The following NCKAP5 variants were observed in gnomAD, a reference collection of about 807,000 sequenced individuals.
NCKAP5 encodes nck-associated protein 5.
Under a neutral mutation model 167.0 loss-of-function variants are expected in NCKAP5, and 92 were observed. That is an observed-to-expected ratio of 0.55 (90% CI 0.47 to 0.66). NCKAP5 has a LOEUF of 0.66. Ranked by LOEUF, NCKAP5 falls within the 30% of genes least tolerant of loss-of-function variation. NCKAP5 has a pLI of 0.00. For synonymous variants in NCKAP5, 891 were observed against 877.4 expected (o/e 1.02, Z -0.27); for missense variants, 2,378 against 2,315.0 (o/e 1.03, Z -0.56).
intron 3 of NCKAP5, among the ~76,000 whole-genome samples, chr2:133,398,996 G>C (rs914612205): frequency 2.0e-5 from 3 of 152,106 alleles, no homozygotes; most frequent in Non-Finnish European, 4.4e-5. Flanking sequence ...CAATGGAGAT[G>C]AAAAAAGAAA....
At chr2:133,543,528 A>T (rs116625374) in intron 2 of NCKAP5, among the ~76,000 whole-genome samples, 99 of 152,342 alleles carry the variant, frequency 6.5e-4, no homozygotes, top group African/African-American at 2.3e-3. Flanking sequence ...CTTCACATCC[A>T]ATAGTATTAT....
intron 5 of NCKAP5, among the ~76,000 whole-genome samples, chr2:133,130,549 A>T (rs2082564293): frequency 6.6e-6 from 1 of 152,220 alleles, no homozygotes; most frequent in Non-Finnish European, 1.5e-5. Flanking sequence ...GAAGGACCAA[A>T]AATTTCAAGT....
chr2:133,625,744 A>G, the NCKAP5 span, among the ~76,000 whole-genome samples: 20,804 of 151,342 alleles, frequency 0.14, 2,032 homozygotes, highest in African/African-American at 0.27. Context: ...AGTGGCGGGC[A>G]CCTGTAGTCC....
At chr2:133,014,655 T>C (rs1375320094) in intron 6 of NCKAP5, among the ~76,000 whole-genome samples, 2 of 152,226 alleles carry the variant, frequency 1.3e-5, no homozygotes, top group Non-Finnish European at 2.9e-5. Context: ...AACTAAAACT[T>C]AACCTTACTG....
At chr2:132,763,344 C>T (rs1354170558) in intron 16 of NCKAP5, among the ~76,000 whole-genome samples, 1 of 152,164 alleles carries the variant, frequency 6.6e-6, no homozygotes, top group Non-Finnish European at 1.5e-5. Context: ...TCTTTGCAGA[C>T]TCCCCTACCC....
intron 6 of NCKAP5, among the ~76,000 whole-genome samples, chr2:133,013,052 T>A (rs1559049980): frequency 6.6e-6 from 1 of 152,202 alleles, no homozygotes; most frequent in Non-Finnish European, 1.5e-5. Context: ...TTCAGGAGTA[T>A]AAAGCCTGGG....
chr2:133,652,317 A>G, the NCKAP5 span, among the ~76,000 whole-genome samples: 3 of 152,238 alleles, frequency 2.0e-5, no homozygotes, highest in Admixed American at 1.3e-4. Context: ...AAGAGGGTGT[A>G]GTGTGTTGAG....
intron 18 of NCKAP5, among the ~76,000 whole-genome samples, chr2:132,726,220 G>A (rs1370725389): frequency 6.6e-6 from 1 of 152,178 alleles, no homozygotes; most frequent in Non-Finnish European, 1.5e-5. Context: ...AAGAATAAAT[G>A]TTTGCCTAAT....
chr2:133,130,052 C>A lies in NCKAP5; in HGVS notation c.267G>T (p.Lys89Asn), dbSNP rs527712793. ...EERHLRLQSEKRLQEVTLESE... is the reference protein window; with the variant it reads ...EERHLRLQSENRLQEVTLESE... ...ACTCTAGGGTCACCTCCTGCAACCG[C>A]TTCTCGCTTTGAAGACGTAAGTGTC... Residue 89 changes from lysine (K) to asparagine (N), a missense_variant, in exon 6 of 20, where the codon AAG becomes AAT. Physicochemically the swap from Lys to Asn is moderately conservative, Grantham distance 94. This residue lies in a region of NCKAP5 where 1,049 missense variants were observed against 1,023.4 expected (regional missense o/e 1.02). Coordinates refer to ENST00000409261, the MANE Select transcript of NCKAP5 (RefSeq NM_207363.3). 6.2e-7 allele frequency: 1 copy of A among 1,612,024 alleles called. No homozygotes were observed. Among genetic ancestry groups the A allele is most frequent in the East Asian group, 2.2e-5 (1 of 44,806 alleles).
intron 6 of NCKAP5, among the ~76,000 whole-genome samples, chr2:133,032,549 A>T (rs1242387541): frequency 2.6e-5 from 4 of 152,142 alleles, no homozygotes; most frequent in Non-Finnish European, 5.9e-5. Context: ...ACCACCCTGC[A>T]GGGAAAAACA....
chr2:132,978,915 C>A (rs1459395113), intron 7 of NCKAP5, among the ~76,000 whole-genome samples: 1 of 152,190 alleles, frequency 6.6e-6, no homozygotes, highest in African/African-American at 2.4e-5. Flanking sequence ...ACTTAGCAGT[C>A]CTGTGTGTCA....
intron 5 of NCKAP5, among the ~76,000 whole-genome samples, chr2:133,162,391 T>A (rs774335164): frequency 2.0e-5 from 3 of 152,238 alleles, no homozygotes; most frequent in African/African-American, 7.2e-5. Context: ...ACAAGAGTTG[T>A]AGCATCTTAA....
At chr2:133,512,421 C>A (rs558494754) in intron 3 of NCKAP5, among the ~76,000 whole-genome samples, 1 of 152,130 alleles carries the variant, frequency 6.6e-6, no homozygotes, top group Non-Finnish European at 1.5e-5. Flanking sequence ...CTAATGCATG[C>A]GGATAGCCAT....
At chr2:133,053,285 C>T (rs1411878538) in intron 6 of NCKAP5, among the ~76,000 whole-genome samples, 2 of 152,174 alleles carry the variant, frequency 1.3e-5, no homozygotes. Context: ...AAGAAAGATG[C>T]TGTCTCCTGG....
At chr2:133,209,640 G>C (rs1457605860) in intron 5 of NCKAP5, among the ~76,000 whole-genome samples, 1 of 151,766 alleles carries the variant, frequency 6.6e-6, no homozygotes, top group Non-Finnish European at 1.5e-5. Context: ...AAAATGCAGT[G>C]TGGTACCCTG....
At chr2:133,263,062 A>G (rs528781615) in intron 4 of NCKAP5, among the ~76,000 whole-genome samples, 28 of 152,332 alleles carry the variant, frequency 1.8e-4, no homozygotes, top group Admixed American at 5.9e-4. Context: ...ACCTGAAGCT[A>G]CTAAAGTCCC....
intron 11 of NCKAP5, among the ~76,000 whole-genome samples, chr2:132,832,575 T>C (rs1007410029): frequency 6.6e-6 from 1 of 152,264 alleles, no homozygotes; most frequent in Middle Eastern, 3.4e-3. Context: ...TCTACAACCA[T>C]GTGTACATAT....
At chr2:132,958,029 C>T (rs1021319046) in intron 8 of NCKAP5, among the ~76,000 whole-genome samples, 6 of 152,150 alleles carry the variant, frequency 3.9e-5, no homozygotes, top group African/African-American at 1.4e-4. Flanking sequence ...TATGTATACA[C>T]ATTGAAAATA....
At chr2:133,670,154 G>A in the NCKAP5 span, among the ~76,000 whole-genome samples, 2 of 152,168 alleles carry the variant, frequency 1.3e-5, no homozygotes, top group Non-Finnish European at 2.9e-5. Flanking sequence ...ACTTTACTAG[G>A]TAAAGCCTCT....
Sources: allele counts gnomAD v4.1 joint callset (sites outside exome capture counted in the v4.1 genomes callset), GRCh38; gene constraint gnomAD v4.1.1; regional missense constraint gnomAD v4.1.1; transcripts MANE v1.5; gene names NCBI Gene and HGNC (gene_info 2026-07-23, HGNC 2026-07-21).